Variants in NHSL1 observed in about 807,000 individuals in gnomAD.
NHSL1 encodes the protein NHS-like protein 1.
Under a neutral mutation model 95.0 loss-of-function variants are expected in NHSL1, and 48 were observed. The observed-to-expected ratio is 0.51, with a 90% CI of 0.40 to 0.64. The LOEUF is 0.64. Among genes scored for constraint, NHSL1 ranks in the 30% least tolerant of loss-of-function variants. The pLI is 0.00. For missense variants in NHSL1, 1,971 were observed against 2,077.7 expected (o/e 0.95, Z 1.00); for synonymous variants, 783 against 833.9 (o/e 0.94, Z 1.05).
At position 138,475,194 on chromosome 6, in the gene NHSL1, A is replaced by C. The variant is rs114814660; in HGVS notation, c.212-1761T>G. Among the ~76,000 whole-genome samples, 1,444 of 151,832 alleles carry C rather than the reference A, an allele frequency of 9.5e-3. 23 individuals are homozygous for C. The highest frequency in any genetic ancestry group is 0.034 in the African/African-American group (1,400 of 41,424). On this transcript the variant is annotated intron_variant, in intron 2 of 7. Coordinates refer to ENST00000343505, the MANE Select transcript of NHSL1 (RefSeq NM_001144060.2). ...GTTTTATTCTCACTCTACAGAGATA[A>C]TGTTATATAAAACATGATTAGTAGT...
At chr6:138,561,451 G>C (rs989471891) in intron 1 of NHSL1, among the ~76,000 whole-genome samples, 2 of 152,090 alleles carry the variant, frequency 1.3e-5, no homozygotes, top group African/African-American at 4.8e-5. Flanking sequence ...AAAAATAAGA[G>C]GGCATGAAAA....
Position 138,511,929 on chromosome 6 carries a change from A to T in NHSL1, c.17-15558T>A, listed in dbSNP as rs139246067. On this transcript the variant is annotated intron_variant, in intron 1 of 4. Transcript: ENST00000342260. The stretch of plus-strand genomic sequence containing the variant: ...TCTTGAAAAGTAAGATATCTGAGGG[A>T]GAAAATAAACAGGGTCTTCCAATGC... Among the ~76,000 whole-genome samples, 598 of 152,328 alleles carry T rather than the reference A, an allele frequency of 3.9e-3. 3 individuals carry two copies. Among genetic ancestry groups the T allele is most frequent in the African/African-American group, 0.014 (571 of 41,568 alleles).
At chr6:138,608,765 T>C (rs1784468910) in intron 1 of NHSL1, among the ~76,000 whole-genome samples, 1 of 152,186 alleles carries the variant, frequency 6.6e-6, no homozygotes, top group South Asian at 2.1e-4. Context: ...AGCTCCATAA[T>C]TTATAAGACA....
At chr6:138,543,293 C>G (rs1285766118) in intron 1 of NHSL1, among the ~76,000 whole-genome samples, 3 of 151,994 alleles carry the variant, frequency 2.0e-5, no homozygotes, top group Non-Finnish European at 2.9e-5. Flanking sequence ...GTTGCACATA[C>G]AAAATGCAGT....
In NHSL1 at chr6:138,443,832, AAAAAT is replaced by A. The variant is rs539233819; in HGVS notation, c.533-1723_533-1719del. Among the ~76,000 whole-genome samples the A allele has an allele frequency of 1.6e-4, 25 of 152,328 alleles. No homozygotes were observed. The South Asian group carries it at 4.8e-3, about 29-fold the overall frequency. On this transcript the variant is annotated intron_variant, in intron 4 of 7. Coordinates refer to ENST00000343505, the MANE Select transcript of NHSL1 (RefSeq NM_001144060.2). ...GCGACAGAGTGAGACCTCCATATCA[AAAAAT>A]AAAATAAAATAAAATAAAGTTGCAT...
upstream of NHSL1, among the ~76,000 whole-genome samples, chr6:138,499,750 A>G (rs1780573237): frequency 6.6e-6 from 1 of 152,216 alleles, no homozygotes; most frequent in South Asian, 2.1e-4. Context: ...TTAGGCCCCT[A>G]TGAACACCCA....
At chr6:138,644,451 C>A (rs1195381221) in intron 1 of NHSL1, among the ~76,000 whole-genome samples, 1 of 152,080 alleles carries the variant, frequency 6.6e-6, no homozygotes, top group East Asian at 1.9e-4. Context: ...TGCAGCGAGC[C>A]GAGACTGTGC....
At chr6:138,478,012 C>CTTTTTTTTTTTTTTTTTTTTTTTTTT (rs71009589) in intron 2 of NHSL1, among the ~76,000 whole-genome samples, 1 of 29,996 alleles carries the variant, frequency 3.3e-5, no homozygotes, top group Non-Finnish European at 5.8e-5. Context: ...ATTTATGTCA[C>CTTTTTTTTTTTTTTTTTTTTTTTTTT]TTTTTTTTTT....
chr6:138,535,253 T>C (rs373991536), intron 1 of NHSL1, among the ~76,000 whole-genome samples: 1 of 151,964 alleles, frequency 6.6e-6, no homozygotes, highest in Non-Finnish European at 1.5e-5. Context: ...CCAAATTGAA[T>C]GTAGGAATAA....
At chr6:138,626,489 AAACAC>A (rs1458696589) in intron 1 of NHSL1, among the ~76,000 whole-genome samples, 3 of 152,226 alleles carry the variant, frequency 2.0e-5, no homozygotes, top group Admixed American at 6.5e-5. Flanking sequence ...GCATCCATTA[AAACAC>A]AGAATTTAAA....
At chr6:138,602,498 C>T (rs1053344116) in intron 1 of NHSL1, among the ~76,000 whole-genome samples, 16 of 152,064 alleles carry the variant, frequency 1.1e-4, no homozygotes, top group Non-Finnish European at 1.0e-4. Flanking sequence ...CCTGCCACCA[C>T]GCCCAGCTAA....
intron 3 of NHSL1, among the ~76,000 whole-genome samples, chr6:138,454,823 T>C (rs1269127159): frequency 2.0e-5 from 3 of 152,258 alleles, no homozygotes; most frequent in East Asian, 3.8e-4. Flanking sequence ...CTTTGCATGG[T>C]TGCAATAAAT....
At chr6:138,550,454 A>G (rs187277321), upstream of NHSL1, among the ~76,000 whole-genome samples, 16 of 152,258 alleles carry the variant, frequency 1.1e-4, no homozygotes, top group Middle Eastern at 3.4e-3. Context: ...GATGATGCAC[A>G]CTCACAGGAT....
chr6:138,640,873 A>G (rs1784950952), intron 1 of NHSL1, among the ~76,000 whole-genome samples: 1 of 152,240 alleles, frequency 6.6e-6, no homozygotes, highest in Non-Finnish European at 1.5e-5. Context: ...ACATGGGCTG[A>G]TCCATTACCA....
chr6:138,557,014 T>C (rs1015025876), intron 1 of NHSL1, among the ~76,000 whole-genome samples: 3 of 152,184 alleles, frequency 2.0e-5, no homozygotes, highest in African/African-American at 7.2e-5. Context: ...TTTAAAAGCA[T>C]ACTTGCTTAG....
Position 138,423,815 on chromosome 6 carries a change from CAAAA to C in NHSL1, c.*262_*265del, listed in dbSNP as rs56326954. ...GCACACATACACACCCAGCATTTAG[CAAAA>C]AAAAAAAAAAAAAAAAAAAATCTTC... is the stretch of plus-strand genomic sequence containing the variant. On this transcript the variant is annotated 3_prime_UTR_variant, in exon 8 of 8. Coordinates refer to ENST00000343505, the MANE Select transcript of NHSL1 (RefSeq NM_001144060.2). 0.02 allele frequency: 2,699 copies of C among 138,110 alleles called. No individual in the cohort carries two copies. Among genetic ancestry groups the C allele is most frequent in the Middle Eastern group, 0.061 (28 of 462 alleles). 8.6% of individuals were successfully genotyped at this position (138,110 alleles called of 1,614,324 possible).
intron 1 of NHSL1, among the ~76,000 whole-genome samples, chr6:138,663,565 A>G (rs1184425280): frequency 3.2e-4 from 49 of 150,814 alleles, no homozygotes; most frequent in South Asian, 1.7e-3. Flanking sequence ...CATCTCAAAA[A>G]AAAAAAAAAA....
At chr6:138,474,029 G>A (rs1255227029) in intron 2 of NHSL1, among the ~76,000 whole-genome samples, 2 of 152,114 alleles carry the variant, frequency 1.3e-5, no homozygotes, top group East Asian at 3.9e-4. Context: ...TGAGACATCT[G>A]CCAGTCCACA....
In NHSL1 at chr6:138,432,072, G is replaced by T; in HGVS notation, c.2273C>A (p.Ser758Tyr). 3 of 1,551,694 alleles carry T rather than the reference G, an allele frequency of 1.9e-6. No individual in the cohort carries two copies. The highest frequency in any genetic ancestry group is 2.6e-6 in the Non-Finnish European group (3 of 1,146,982). The change falls in exon 6 of 8, where the codon TCC (serine) becomes TAC (tyrosine). Residue 758 changes from serine (S) to tyrosine (Y), a missense_variant. Physicochemically the swap from Ser to Tyr is moderately radical, Grantham distance 144. Around this residue, in one of 3 missense-constraint regions of NHSL1, gnomAD observed 1,602 missense variants for 1,654.5 expected, o/e 0.97. Coordinates refer to ENST00000343505, the MANE Select transcript of NHSL1 (RefSeq NM_001144060.2). The surrounding 1 kb of genome is among the most constrained non-coding windows in gnomAD (Gnocchi z 4.4). ...MTSATTPNVY[S>Y]LCGATPSQSD... ...CTGCGATGGCGTGGCCCCGCACAGGGAGTAGACATTGGGGGTGGTGGCGGA... is the reference window on the plus strand; with the variant it reads ...CTGCGATGGCGTGGCCCCGCACAGGTAGTAGACATTGGGGGTGGTGGCGGA...
Sources: allele counts gnomAD v4.1 joint callset (sites outside exome capture counted in the v4.1 genomes callset), GRCh38; gene constraint gnomAD v4.1.1; regional missense constraint gnomAD v4.1.1; non-coding constraint Gnocchi (gnomAD v3.1); transcripts MANE v1.5; gene names NCBI Gene and HGNC (gene_info 2026-07-23, HGNC 2026-07-21).